The following PACS1 variants were observed in gnomAD, a reference collection of about 807,000 sequenced individuals.
The protein encoded by PACS1 is PACS-1.
Under a neutral mutation model 115.0 loss-of-function variants are expected in PACS1, and 24 were observed. The observed-to-expected ratio is 0.21, with a 90% CI of 0.15 to 0.29. The LOEUF is 0.29. PACS1 is among the 10% of genes least tolerant of loss of function. The pLI is 1.00. For synonymous variants in PACS1, 453 were observed against 504.5 expected, an observed-to-expected ratio of 0.90 and a Z score of 1.37; for missense variants, 838 against 1,251.2, an observed-to-expected ratio of 0.67 and a Z score of 4.98.
Position 66,216,247 on chromosome 11 carries a change from C to A in PACS1, c.789C>A (p.Ile263=). The change falls in exon 5 of 24, where the codon ATC becomes ATA. Residue 263 remains isoleucine, a synonymous_variant. Transcript: ENST00000320580. ...GCCAACCCATTGACCATGAAGGAAT[C>A]AAATCCAAGCTTTCTGGTAAGAAGC... ...LSSQPIDHEG[I]KSKLSDRSPD... 6.2e-7 allele frequency: 1 copy of A among 1,614,054 alleles called. No homozygotes were observed. Among genetic ancestry groups the A allele is most frequent in the Non-Finnish European group, 8.5e-7 (1 of 1,180,000 alleles).
intron 1 of PACS1, among the ~76,000 whole-genome samples, chr11:66,176,971 C>G (rs1198199684): frequency 6.6e-6 from 1 of 152,182 alleles, no homozygotes; most frequent in African/African-American, 2.4e-5. Context: ...GCCATTCTCA[C>G]TAGACTGAGG....
At chr11:66,101,942 T>C (rs1175623184) in intron 1 of PACS1, among the ~76,000 whole-genome samples, 1 of 152,224 alleles carries the variant, frequency 6.6e-6, no homozygotes, top group Admixed American at 6.5e-5. Context: ...CATTAAGTTC[T>C]GATCTTTAAA....
rs1461517811 is a variant in PACS1, at chr11:66,210,584, T to C, written c.534+133T>C. 7 of 703,702 alleles carry C rather than the reference T, an allele frequency of 9.9e-6. No individual in the cohort carries two copies. The South Asian group carries it at 1.0e-4, about 10-fold the overall frequency. 43.6% of individuals were successfully genotyped at this position (703,702 alleles called of 1,614,324 possible). On this transcript the variant is annotated intron_variant, in intron 3 of 23. Coordinates refer to ENST00000320580, the MANE Select transcript of PACS1 (RefSeq NM_018026.4). ...TGGGCAGGAATGAATAAAAGTCACC[T>C]GGAGGTTTATGGCTGGCCTGGAGGG...
intron 1 of PACS1, among the ~76,000 whole-genome samples, chr11:66,174,860 G>T (rs1041639506): frequency 1.3e-5 from 2 of 152,142 alleles, no homozygotes; most frequent in African/African-American, 4.8e-5. Flanking sequence ...TTTAAAATAG[G>T]TGAATTTTGG....
intron 1 of PACS1, among the ~76,000 whole-genome samples, chr11:66,170,988 G>C (rs1859725143): frequency 6.7e-6 from 1 of 149,508 alleles, no homozygotes; most frequent in East Asian, 1.9e-4. Flanking sequence ...AACATTCTAT[G>C]TATGTTTGAA....
intron 1 of PACS1, chr11:66,084,116 G>C (rs543411992): frequency 3.5e-4 from 54 of 152,402 alleles, no homozygotes; most frequent in African/African-American, 1.3e-3. Flanking sequence ...TGTGTTGGAC[G>C]GGAAGAATAA....
In PACS1 at chr11:66,233,617, T is replaced by C. The variant is rs1855645188; in HGVS notation, c.1839-168T>C. 6.6e-6 allele frequency among the ~76,000 whole-genome samples: 1 copy of C among 152,256 alleles called. No individual in the cohort carries two copies. Among genetic ancestry groups the C allele is most frequent in the Non-Finnish European group, 1.5e-5 (1 of 68,050 alleles). Reference sequence around the variant, plus strand: ...TGACCCTGGATTTTTCTCTTGGTTGTGAAAGCACTGTGGCTTATTCCCTGT... The same window carrying C: ...TGACCCTGGATTTTTCTCTTGGTTGCGAAAGCACTGTGGCTTATTCCCTGT... On this transcript the variant is annotated intron_variant, in intron 15 of 23. Coordinates refer to ENST00000320580, the MANE Select transcript of PACS1 (RefSeq NM_018026.4). This position sits in a 1 kb window ranked among gnomAD's most constrained non-coding sequence, Gnocchi z 4.5.
chr11:66,200,355 A>G (rs1344058609), intron 2 of PACS1, among the ~76,000 whole-genome samples: 3 of 152,198 alleles, frequency 2.0e-5, no homozygotes, highest in Non-Finnish European at 4.4e-5. Context: ...TGTCTCAGAA[A>G]AACAAAAACG....
chr11:66,220,801 C>T lies in PACS1; in HGVS notation c.1199+10C>T, dbSNP rs199906288. On this transcript the variant is annotated intron_variant, in intron 9 of 23. Transcript: ENST00000320580. ...CAAAGCCCAAGCTCAAGTGAGCCCC[C>T]CTCTCTGTAGCTGGCCTCCAGACTC... 2.5e-5 allele frequency: 40 copies of T among 1,612,748 alleles called. No homozygotes were observed. The highest frequency in any genetic ancestry group is 1.7e-5 in the Non-Finnish European group (20 of 1,179,520).
intron 8 of PACS1, 125 bp downstream of exon 8, chr11:66,219,930 G>T: frequency 2.5e-6 from 2 of 784,634 alleles, no homozygotes. Context: ...CCTGCTCCCC[G>T]TGGCATACCT....
intron 22 of PACS1, among the ~76,000 whole-genome samples, chr11:66,242,225 G>A (rs904724713): frequency 5.3e-5 from 8 of 152,174 alleles, no homozygotes; most frequent in Admixed American, 3.3e-4. Context: ...CTGCGGCAGC[G>A]CCTGCCACCG....
rs1251663590 is a variant in PACS1, at chr11:66,236,583, G to A, written c.2250+643G>A. ...GTGGATGTCTCATGGCAGGTGCATT[G>A]CCGGCTGTCTGTTCATCAGCAGCTG... On this transcript the variant is annotated intron_variant, in intron 19 of 23. Transcript: ENST00000320580. The surrounding 1 kb of genome is among the most constrained non-coding windows in gnomAD (Gnocchi z 4.2). 6.6e-6 allele frequency among the ~76,000 whole-genome samples: 1 copy of A among 152,126 alleles called. No individual in the cohort carries two copies. The highest frequency in any genetic ancestry group is 2.4e-5 in the African/African-American group (1 of 41,436).
rs532742983 is a variant in PACS1 at position 66,221,826 on chromosome 11, T to C, written c.1293+579T>C. 1.4e-4 allele frequency among the ~76,000 whole-genome samples: 21 copies of C among 151,976 alleles called. No individual in the cohort carries two copies. The South Asian group carries it at 4.2e-3, about 30-fold the overall frequency. On this transcript the variant is annotated intron_variant, in intron 10 of 23. Transcript: ENST00000320580. ...CTTCCCTCTCAGAATACATACAATC[T>C]CCCCCTCTGCTGGGCGTGGTGACTC... is the stretch of plus-strand genomic sequence containing the variant.
chr11:66,146,184 A>G (rs878867686), intron 1 of PACS1, among the ~76,000 whole-genome samples: 10 of 152,204 alleles, frequency 6.6e-5, no homozygotes, highest in Admixed American at 2.6e-4. Flanking sequence ...TTCAGGGAAG[A>G]TAATCAGTCA....
chr11:66,106,581 A>T lies in PACS1; in HGVS notation c.356+35739A>T, dbSNP rs192232676. Among the ~76,000 whole-genome samples the T allele has an allele frequency of 5.1e-3, 770 of 152,124 alleles. 5 individuals are homozygous for T. The highest frequency in any genetic ancestry group is 0.016 in the African/African-American group (660 of 41,482). On this transcript the variant is annotated intron_variant, in intron 1 of 23. Transcript: ENST00000320580. ...GACTCCATCTCAAAAAATAAAAAAA[A>T]ATATAAAAAAATTAGCCAGGCGTGG...
intron 1 of PACS1, among the ~76,000 whole-genome samples, chr11:66,074,691 A>G (rs189997356): frequency 6.6e-6 from 1 of 151,982 alleles, no homozygotes; most frequent in East Asian, 1.9e-4. Flanking sequence ...CTTAGGTCAC[A>G]TTTTTTTTAA....
chr11:66,176,163 T>C (rs1859855949), intron 1 of PACS1, among the ~76,000 whole-genome samples: 1 of 152,226 alleles, frequency 6.6e-6, no homozygotes, highest in African/African-American at 2.4e-5. Flanking sequence ...CAGAGTTTTG[T>C]AGTACAAATC....
chr11:66,158,769 A>G (rs1456969573), intron 1 of PACS1, among the ~76,000 whole-genome samples: 1 of 152,228 alleles, frequency 6.6e-6, no homozygotes, highest in East Asian at 1.9e-4. Context: ...AGGAGGTCCA[A>G]CATCTGACTA....
intron 1 of PACS1, among the ~76,000 whole-genome samples, chr11:66,116,092 C>A (rs1440435621): frequency 6.6e-6 from 1 of 152,230 alleles, no homozygotes; most frequent in Admixed American, 6.5e-5. Flanking sequence ...GAATGTGTCG[C>A]TATTTGTTAT....
Sources: allele counts gnomAD v4.1 joint callset (sites outside exome capture counted in the v4.1 genomes callset), GRCh38; gene constraint gnomAD v4.1.1; non-coding constraint Gnocchi (gnomAD v3.1); transcripts MANE v1.5; gene names NCBI Gene and HGNC (gene_info 2026-07-23, HGNC 2026-07-21).